Variants in FMN1 observed in about 807,000 individuals in gnomAD.
The protein encoded by FMN1 is formin-1.
Under a neutral mutation model 132.4 loss-of-function variants are expected in FMN1, and 110 were observed. That is an observed-to-expected ratio of 0.83 (90% confidence interval 0.71 to 0.97). FMN1 has a LOEUF of 0.97. Ranked by LOEUF, FMN1 falls within the 50% of genes least tolerant of loss-of-function variation. FMN1 has a pLI of 0.00. For missense variants in FMN1, 1,792 were observed against 1,705.3 expected, an observed-to-expected ratio of 1.05 and a Z score of -0.90; for synonymous variants, 722 against 651.7, an observed-to-expected ratio of 1.11 and a Z score of -1.64.
chr15:33,004,381 A>C (rs554084033), intron 7 of FMN1, among the ~76,000 whole-genome samples: 2 of 152,368 alleles, frequency 1.3e-5, no homozygotes, highest in South Asian at 2.1e-4. Context: ...TAGGCGAAGG[A>C]TATGAACAGA....
intron 13 of FMN1, 137 bp from the exon 14 acceptor site, chr15:32,900,262 A>G (rs2060263904): frequency 1.1e-6 from 1 of 877,492 alleles, no homozygotes; most frequent in African/African-American, 1.7e-5. Flanking sequence ...GCTGAAATGA[A>G]AAACACACTT....
At chr15:32,950,862 T>C (rs1273358389) in intron 9 of FMN1, among the ~76,000 whole-genome samples, 3 of 152,222 alleles carry the variant, frequency 2.0e-5, no homozygotes, top group Non-Finnish European at 4.4e-5. Flanking sequence ...TAGTTTTCAA[T>C]ACTGTTAGTT....
intron 4 of FMN1, among the ~76,000 whole-genome samples, chr15:33,118,759 T>C (rs1314484926): frequency 6.6e-6 from 1 of 152,182 alleles, no homozygotes; most frequent in African/African-American, 2.4e-5. Context: ...ATTAAGTATT[T>C]CTTGATATTG....
rs1258730 is a variant in FMN1, at chr15:32,771,612, T to C, written c.*2698A>G. The C allele has an allele frequency of 0.96, 146,106 of 152,206 alleles. 70,416 individuals carry two copies. Among genetic ancestry groups the C allele is most frequent in the East Asian group, 1 (5,151 of 5,152 alleles). The allele number at this position is 152,206 out of a possible 1,614,324, so 9.4% of individuals were successfully genotyped here. Reference sequence around the variant, plus strand: ...ACTAAGTCAGGTGTGTCTGGTTAGATGCAGCATAGCAAACTGGTTACTCTC... The same window carrying C: ...ACTAAGTCAGGTGTGTCTGGTTAGACGCAGCATAGCAAACTGGTTACTCTC... On this transcript the variant is annotated 3_prime_UTR_variant, in exon 21 of 21. Transcript: ENST00000616417.
At chr15:32,920,397 T>C (rs2060791215) in intron 10 of FMN1, among the ~76,000 whole-genome samples, 2 of 152,180 alleles carry the variant, frequency 1.3e-5, no homozygotes, top group African/African-American at 4.8e-5. Context: ...CTGAAACCAT[T>C]CTTCCTCTAC....
intron 7 of FMN1, among the ~76,000 whole-genome samples, chr15:32,977,318 T>A (rs2140733307): frequency 6.6e-6 from 1 of 152,308 alleles, no homozygotes; most frequent in South Asian, 2.1e-4. Context: ...ATCCTTCCCA[T>A]GCAATATATT....
chr15:33,023,206 T>G (rs376535603), intron 6 of FMN1, among the ~76,000 whole-genome samples: 1 of 151,782 alleles, frequency 6.6e-6, no homozygotes, highest in African/African-American at 2.4e-5. Context: ...CTGGGGGTCT[T>G]ACCTGGTAAG....
chr15:33,000,542 A>C (rs2034039979), intron 7 of FMN1, among the ~76,000 whole-genome samples: 1 of 151,694 alleles, frequency 6.6e-6, no homozygotes, highest in Non-Finnish European at 1.5e-5. Flanking sequence ...TTGGAGAGAG[A>C]GGCTGAGGTG....
chr15:32,968,691 G>C, intron 8 of FMN1, 23 bp downstream of exon 8: 2 of 1,611,728 alleles, frequency 1.2e-6, no homozygotes, highest in Non-Finnish European at 1.7e-6. Flanking sequence ...CACATGCTGA[G>C]AATGGGATAG....
At chr15:33,009,608 C>T (rs2034599406) in intron 6 of FMN1, among the ~76,000 whole-genome samples, 1 of 152,170 alleles carries the variant, frequency 6.6e-6, no homozygotes. Flanking sequence ...TTGCTGACTA[C>T]TTACTATATA....
At position 32,765,635 on chromosome 15, in the gene FMN1, A is replaced by G. The variant is rs2056020194; in HGVS notation, c.*8675T>C. The G allele has an allele frequency of 4.7e-5, 1 of 21,350 alleles. No homozygotes were observed. Among genetic ancestry groups the G allele is most frequent in the Non-Finnish European group, 2.4e-4 (1 of 4,140 alleles). The allele number at this position is 21,350 out of a possible 1,614,324, so 1.3% of individuals were successfully genotyped here. A position where few individuals can be genotyped will look rare whatever the true frequency, so the allele number is the denominator to read the frequency against. On this transcript the variant is annotated 3_prime_UTR_variant, in exon 21 of 21. Transcript: ENST00000616417. ...TTCTCTGTAAATTCCAAAAAATATA[A>G]TTCTCTTAAAACAAATTAACAGAGG... is the stretch of plus-strand genomic sequence containing the variant.
chr15:32,983,021 G>A (rs145302206), intron 7 of FMN1, among the ~76,000 whole-genome samples: 89 of 151,986 alleles, frequency 5.9e-4, no homozygotes, highest in African/African-American at 2.1e-3. Flanking sequence ...TATATTTTAC[G>A]TATACACGCA....
At chr15:32,987,267 C>T (rs2033126133) in intron 7 of FMN1, among the ~76,000 whole-genome samples, 1 of 152,126 alleles carries the variant, frequency 6.6e-6, no homozygotes, top group African/African-American at 2.4e-5. Flanking sequence ...GCGTTTCATA[C>T]CATTGACATG....
intron 7 of FMN1, among the ~76,000 whole-genome samples, chr15:32,975,297 C>G (rs1029590955): frequency 6.6e-6 from 1 of 152,176 alleles, no homozygotes; most frequent in Admixed American, 6.5e-5. Flanking sequence ...ACAATTTAAT[C>G]ATATTTGAAC....
chr15:32,871,094 G>A (rs753023824), intron 16 of FMN1, among the ~76,000 whole-genome samples: 1 of 152,190 alleles, frequency 6.6e-6, no homozygotes, highest in Non-Finnish European at 1.5e-5. Flanking sequence ...CCCAGGCATG[G>A]AGGTACCGGG....
intron 3 of FMN1, among the ~76,000 whole-genome samples, chr15:33,177,857 A>T (rs1335585024): frequency 2.0e-5 from 3 of 151,978 alleles, no homozygotes; most frequent in African/African-American, 7.3e-5. Context: ...ATACAAAAAA[A>T]ATTAGCCAGG....
chr15:33,012,876 T>C, intron 6 of FMN1: 2 of 587,300 alleles, frequency 3.4e-6, no homozygotes, highest in East Asian at 4.1e-5. Flanking sequence ...GGAGCAACAC[T>C]GGAGGTGGTG....
chr15:33,194,421 C>G (rs780921538), intron 1 of FMN1, among the ~76,000 whole-genome samples, 157 bp downstream of exon 1: 161 of 151,776 alleles, frequency 1.1e-3, no homozygotes, highest in Non-Finnish European at 2.0e-3. Context: ...CTGGAGGAAC[C>G]GACACAGAAG....
chr15:32,990,566 G>A (rs2033370962), intron 7 of FMN1, among the ~76,000 whole-genome samples: 1 of 152,172 alleles, frequency 6.6e-6, no homozygotes, highest in South Asian at 2.1e-4. Flanking sequence ...CAACAGTATG[G>A]TCAAGAGAAA....
Sources: gnomAD v4.1 joint callset for allele counts (sites outside exome capture counted in the v4.1 genomes callset) on GRCh38, gnomAD v4.1.1 for gene constraint, MANE v1.5 for transcripts, NCBI Gene and HGNC (gene_info 2026-07-23, HGNC 2026-07-21) for gene names.